The following TAMM41 variants were observed in gnomAD, a reference collection of about 807,000 sequenced individuals.
TAMM41 encodes TAM41 mitochondrial translocator assembly and maintenance homolog, also known as phosphatidate cytidylyltransferase, mitochondrial.
Under a neutral mutation model 44.1 loss-of-function variants are expected in TAMM41, and 36 were observed. That is an observed-to-expected ratio of 0.82 (90% CI 0.63 to 1.08). The LOEUF is 1.08. TAMM41 is among the 50% of genes least tolerant of loss of function. The pLI is 0.00. For missense variants in TAMM41, 417 were observed against 404.3 expected (o/e 1.03, Z -0.27); for synonymous variants, 164 against 153.1 (o/e 1.07, Z -0.53).
the TAMM41 span, among the ~76,000 whole-genome samples, chr3:11,768,840 A>T: frequency 6.6e-6 from 1 of 152,230 alleles, no homozygotes. Context: ...CTACCCACAG[A>T]GCTTAGGAGC....
At chr3:11,780,518 C>G in the TAMM41 span, among the ~76,000 whole-genome samples, 6 of 152,270 alleles carry the variant, frequency 3.9e-5, no homozygotes, top group Middle Eastern at 3.4e-3. Flanking sequence ...CCTGATGGCC[C>G]GGTTTGGGAT....
chr3:11,846,197 T>C (rs2125077117), intron 1 of TAMM41, among the ~76,000 whole-genome samples: 1 of 152,356 alleles, frequency 6.6e-6, no homozygotes, highest in Non-Finnish European at 1.5e-5. Context: ...TCCAGCCGAC[T>C]AAAACACTGA....
At chr3:11,845,080 G>C in intron 1 of TAMM41, 1 of 441,284 alleles carries the variant, frequency 2.3e-6, no homozygotes, top group Non-Finnish European at 4.6e-6. Flanking sequence ...TGTTCTGGAA[G>C]CTGCCGTCAG....
the TAMM41 span, among the ~76,000 whole-genome samples, chr3:11,740,206 G>C: frequency 6.6e-6 from 1 of 152,110 alleles, no homozygotes; most frequent in South Asian, 2.1e-4. Context: ...GTTAAATGAA[G>C]ATGCGTGTCA....
chr3:11,808,049 G>T, intron 6 of TAMM41, 154 bp from the exon 7 acceptor site: 1 of 1,384,836 alleles, frequency 7.2e-7, no homozygotes. Context: ...ACAATGAAAA[G>T]GGCAGTGGGA....
At chr3:11,723,047 C>A in the TAMM41 span, among the ~76,000 whole-genome samples, 1 of 152,044 alleles carries the variant, frequency 6.6e-6, no homozygotes, top group East Asian at 1.9e-4. Flanking sequence ...CACTTGAACC[C>A]GGGAGGCAGA....
rs1444272702 is a variant in TAMM41, at chr3:11,839,302, C to T, written c.331G>A (p.Gly111Arg). ...ATCAGAACGTTAGTGCTAATAACTC[C>T]ATATTTGATAAGCTGAAGGAAAAAA... ...IMCNGRLIKY[G>R]VISTNVLIED... is the part of the protein sequence containing the mutation. The change falls in exon 3 of 8, where the codon GGA (glycine) becomes AGA (arginine). Residue 111 changes from glycine (G) to arginine (R), a missense_variant. Gly to Arg is a moderately radical substitution (Grantham distance 125). Transcript: ENST00000455809. 3 of 1,609,170 alleles carry T rather than the reference C, an allele frequency of 1.9e-6. No homozygotes were observed. The highest frequency in any genetic ancestry group is 4.5e-5 in the East Asian group (2 of 44,822).
At chr3:11,779,806 G>C in the TAMM41 span, among the ~76,000 whole-genome samples, 1 of 152,122 alleles carries the variant, frequency 6.6e-6, no homozygotes, top group Non-Finnish European at 1.5e-5. Flanking sequence ...TCCAAACGCA[G>C]CATGTTCAGA....
chr3:11,776,939 A>G, the TAMM41 span, among the ~76,000 whole-genome samples: 1 of 152,202 alleles, frequency 6.6e-6, no homozygotes, highest in Non-Finnish European at 1.5e-5. Context: ...TTCTGTGTGG[A>G]ATCTGAAAGC....
At chr3:11,821,226 G>A (rs201273101) in intron 4 of TAMM41, among the ~76,000 whole-genome samples, 1 of 152,196 alleles carries the variant, frequency 6.6e-6, no homozygotes, top group African/African-American at 2.4e-5. Context: ...CATTTATTGT[G>A]CACTTCATTT....
the TAMM41 span, among the ~76,000 whole-genome samples, chr3:11,770,704 T>C: frequency 6.6e-6 from 1 of 152,110 alleles, no homozygotes; most frequent in Non-Finnish European, 1.5e-5. Flanking sequence ...GGAAGGTGTG[T>C]TGGGCGTGAA....
chr3:11,844,775 A>G (rs910087354), intron 1 of TAMM41: 8 of 367,048 alleles, frequency 2.2e-5, no homozygotes, highest in African/African-American at 1.3e-4. Flanking sequence ...TATTGAGTAC[A>G]TAAGTAATGA....
chr3:11,820,836 C>T (rs988330140), intron 4 of TAMM41, among the ~76,000 whole-genome samples: 1 of 152,188 alleles, frequency 6.6e-6, no homozygotes, highest in Non-Finnish European at 1.5e-5. Flanking sequence ...AGGATTTCTC[C>T]TTGACCTTGA....
chr3:11,824,484 G>C (rs1157296383), intron 4 of TAMM41, among the ~76,000 whole-genome samples: 1 of 151,338 alleles, frequency 6.6e-6, no homozygotes. Context: ...AGTAGAGATG[G>C]GGTTTCATCA....
chr3:11,809,161 T>C (rs2078011514), intron 6 of TAMM41: 1 of 319,168 alleles, frequency 3.1e-6, no homozygotes, highest in Admixed American at 5.1e-5. Flanking sequence ...TTCTCGATGT[T>C]ATAAAAGCAC....
intron 7 of TAMM41, among the ~76,000 whole-genome samples, chr3:11,806,615 G>A (rs1050090803): frequency 6.6e-6 from 1 of 152,082 alleles, no homozygotes; most frequent in African/African-American, 2.4e-5. Context: ...AATCTAGGGG[G>A]TGCAATATCT....
chr3:11,791,729 A>G (rs1025963502), intron 7 of TAMM41, among the ~76,000 whole-genome samples: 1 of 152,178 alleles, frequency 6.6e-6, no homozygotes, highest in African/African-American at 2.4e-5. Flanking sequence ...AGCCTTGGAA[A>G]AGACCACTGC....
At chr3:11,762,164 A>G in the TAMM41 span, among the ~76,000 whole-genome samples, 4 of 152,190 alleles carry the variant, frequency 2.6e-5, no homozygotes, top group Non-Finnish European at 4.4e-5. Flanking sequence ...ACTCCGCAGA[A>G]ATATGTATTA....
intron 7 of TAMM41, among the ~76,000 whole-genome samples, chr3:11,795,544 T>C (rs930986922): frequency 6.6e-6 from 1 of 152,250 alleles, no homozygotes; most frequent in African/African-American, 2.4e-5. Flanking sequence ...ATAGGTTTAC[T>C]GCCCTTCCAT....
Sources: gnomAD v4.1 joint callset for allele counts (sites outside exome capture counted in the v4.1 genomes callset) on GRCh38, gnomAD v4.1.1 for gene constraint, MANE v1.5 for transcripts, NCBI Gene and HGNC (gene_info 2026-07-23, HGNC 2026-07-21) for gene names.